Variants in APBB2 observed in about 807,000 individuals in gnomAD.
APBB2 encodes Fe65-like 1.
A neutral mutation model predicts 82.5 loss-of-function variants in APBB2; 38 were observed. The ratio of observed to expected loss-of-function variants is 0.46; its 90% CI spans 0.36 to 0.60. The LOEUF (loss-of-function observed/expected upper bound fraction) is 0.60. APBB2 is among the 20% of genes least tolerant of loss of function. The pLI is 0.00. For synonymous variants in APBB2, 341 were observed against 368.2 expected, an observed-to-expected ratio of 0.93 and a Z score of 0.85; for missense variants, 772 against 972.3, an observed-to-expected ratio of 0.79 and a Z score of 2.74.
chr4:40,879,450 G>A (rs1277443117), intron 12 of APBB2, among the ~76,000 whole-genome samples: 1 of 152,138 alleles, frequency 6.6e-6, no homozygotes, highest in African/African-American at 2.4e-5. Context: ...GACTTCATAA[G>A]AGGGTTAGAA....
intron 2 of APBB2, among the ~76,000 whole-genome samples, chr4:41,142,425 T>C (rs1759511126): frequency 6.6e-6 from 1 of 152,202 alleles, no homozygotes; most frequent in Non-Finnish European, 1.5e-5. Context: ...TAATGCCAAA[T>C]GCACACACTG....
chr4:40,855,893 C>T (rs1367100808), intron 12 of APBB2, among the ~76,000 whole-genome samples: 1 of 152,182 alleles, frequency 6.6e-6, no homozygotes, highest in African/African-American at 2.4e-5. Context: ...ATAACTTTTA[C>T]AAAATTACAG....
Position 40,935,149 on chromosome 4 carries a change from T to G in APBB2, c.1045-10A>C. On this transcript the variant is annotated splice_polypyrimidine_tract_variant and intron_variant, in intron 7 of 17. Transcript: ENST00000508593. ...CACTCCATGGCTGTTTCTAGACATATAATTATTCACATAGGAAAAAAGCAC... is the reference window on the plus strand; with the variant it reads ...CACTCCATGGCTGTTTCTAGACATAGAATTATTCACATAGGAAAAAAGCAC... 1 of 1,508,486 alleles carries G rather than the reference T, an allele frequency of 6.6e-7. No homozygotes were observed. The highest frequency in any genetic ancestry group is 8.8e-7 in the Non-Finnish European group (1 of 1,129,970). 93.4% of individuals were successfully genotyped at this position (1,508,486 alleles called of 1,614,324 possible).
intron 3 of APBB2, among the ~76,000 whole-genome samples, chr4:41,072,926 C>G (rs1734361236): frequency 6.6e-6 from 1 of 152,168 alleles, no homozygotes; most frequent in African/African-American, 2.4e-5. Context: ...GTAAAATGGG[C>G]TAAGGATATC....
Position 41,018,712 on chromosome 4 carries a change from T to C in APBB2, c.20-4314A>G, listed in dbSNP as rs149785373. Among the ~76,000 whole-genome samples, 1,265 of 152,198 alleles carry C rather than the reference T, an allele frequency of 8.3e-3. 20 individuals are homozygous for C. The highest frequency in any genetic ancestry group is 0.028 in the African/African-American group (1,147 of 41,520). The stretch of plus-strand genomic sequence containing the variant: ...GTAGACCAGGCAATTAAAACATCAG[T>C]GGTGATCAGAGAAACAGTGGAAAGA... On this transcript the variant is annotated intron_variant, in intron 5 of 17. Transcript: ENST00000508593.
intron 10 of APBB2, among the ~76,000 whole-genome samples, chr4:40,901,235 A>T (rs958659291): frequency 6.6e-6 from 1 of 152,226 alleles, no homozygotes; most frequent in Non-Finnish European, 1.5e-5. Context: ...AAATGGGATG[A>T]CTTAGATTAA....
chr4:41,195,787 C>T, intron 1 of APBB2, among the ~76,000 whole-genome samples: 1 of 152,174 alleles, frequency 6.6e-6, no homozygotes, highest in African/African-American at 2.4e-5. Flanking sequence ...ACATCCTCCA[C>T]TCCTGGAATA....
intron 1 of APBB2, among the ~76,000 whole-genome samples, chr4:41,193,163 C>T (rs1314913783): frequency 6.6e-6 from 1 of 152,230 alleles, no homozygotes; most frequent in African/African-American, 2.4e-5. Flanking sequence ...CTTCAATATC[C>T]TGTTATAGAT....
chr4:41,086,289 A>G (rs1739620255), intron 3 of APBB2, among the ~76,000 whole-genome samples: 1 of 152,184 alleles, frequency 6.6e-6, no homozygotes, highest in Admixed American at 6.5e-5. Flanking sequence ...AAAGAAATGA[A>G]GAAGGAACAC....
chr4:40,873,678 T>C (rs1377430370), intron 12 of APBB2, among the ~76,000 whole-genome samples: 3 of 152,354 alleles, frequency 2.0e-5, no homozygotes, highest in Admixed American at 2.0e-4. Flanking sequence ...TCTTTAGGGC[T>C]GAGGTGGTTC....
chr4:40,918,432 T>C (rs1202204675), intron 10 of APBB2, among the ~76,000 whole-genome samples: 2 of 152,252 alleles, frequency 1.3e-5, no homozygotes, highest in Non-Finnish European at 1.5e-5. Context: ...AGTTAAAAGA[T>C]TTGGGGGAAA....
intron 10 of APBB2, among the ~76,000 whole-genome samples, chr4:40,913,352 G>A (rs1779036428): frequency 6.6e-6 from 1 of 152,202 alleles, no homozygotes; most frequent in Non-Finnish European, 1.5e-5. Context: ...TTTGCCGTAA[G>A]CATGCTCCCT....
intron 2 of APBB2, among the ~76,000 whole-genome samples, chr4:41,103,292 T>C (rs945738782): frequency 3.9e-5 from 6 of 152,184 alleles, no homozygotes; most frequent in Admixed American, 3.9e-4. Flanking sequence ...GACGGTGTTA[T>C]AAAGATAGAT....
intron 1 of APBB2, among the ~76,000 whole-genome samples, chr4:41,208,198 A>G (rs1211374579): frequency 6.6e-6 from 1 of 152,164 alleles, no homozygotes; most frequent in Non-Finnish European, 1.5e-5. Context: ...GGAATTCCGC[A>G]AAGTCTCTCC....
intron 10 of APBB2, among the ~76,000 whole-genome samples, chr4:40,910,121 ATTTTTTTT>A (rs34289899): frequency 7.0e-6 from 1 of 142,784 alleles, no homozygotes; most frequent in African/African-American, 2.6e-5. Context: ...TGCCTGGCTA[ATTTTTTTT>A]TTTTTTTTTT....
chr4:41,052,239 A>ACATACATACATG (rs1726256329), intron 4 of APBB2, among the ~76,000 whole-genome samples: 1 of 151,752 alleles, frequency 6.6e-6, no homozygotes. Flanking sequence ...ATACATACAT[A>ACATACATACATG]CATACCAAAA....
chr4:40,888,015 G>A (rs1009967041), intron 12 of APBB2, among the ~76,000 whole-genome samples: 1 of 152,304 alleles, frequency 6.6e-6, no homozygotes, highest in South Asian at 2.1e-4. Context: ...TCTAGATCAC[G>A]TGATCAAGCG....
chr4:41,111,045 A>C (rs1032090681), intron 2 of APBB2, among the ~76,000 whole-genome samples: 1 of 152,226 alleles, frequency 6.6e-6, no homozygotes, highest in African/African-American at 2.4e-5. Flanking sequence ...CAGGCATTAG[A>C]TTCTCATAAC....
intron 17 of APBB2, among the ~76,000 whole-genome samples, chr4:40,818,152 T>C (rs528808744): frequency 3.3e-5 from 5 of 152,316 alleles, no homozygotes; most frequent in East Asian, 3.9e-4. Flanking sequence ...ATTCACATGG[T>C]ATAAATTCAC....
Sources: gnomAD v4.1 joint callset for allele counts (sites outside exome capture counted in the v4.1 genomes callset) on GRCh38, gnomAD v4.1.1 for gene constraint, MANE v1.5 for transcripts, NCBI Gene and HGNC (gene_info 2026-07-23, HGNC 2026-07-21) for gene names.